MSRA: variants seen among roughly 807,000 people sequenced by gnomAD.
The protein encoded by MSRA is mitochondrial peptide methionine sulfoxide reductase.
Under a neutral mutation model 31.3 loss-of-function variants are expected in MSRA, and 54 were observed. That is an observed-to-expected ratio of 1.73 (90% CI 1.39 to 2.17). MSRA has a LOEUF of 2.17. Ranked by LOEUF, MSRA falls within the 30% of genes most tolerant of loss-of-function variation. The pLI is 0.00. For missense variants in MSRA, 507 were observed against 300.9 expected, an observed-to-expected ratio of 1.69 and a Z score of -5.07; for synonymous variants, 169 against 116.5, an observed-to-expected ratio of 1.45 and a Z score of -2.90.
intron 4 of MSRA, among the ~76,000 whole-genome samples, chr8:10,303,582 A>G (rs549690028): frequency 2.0e-5 from 3 of 152,322 alleles, no homozygotes; most frequent in African/African-American, 7.2e-5. Context: ...CCCCAGCTGA[A>G]TTCAGAGAAC....
chr8:10,367,524 C>G (rs769367938), intron 5 of MSRA, among the ~76,000 whole-genome samples: 13 of 152,176 alleles, frequency 8.5e-5, no homozygotes, highest in Non-Finnish European at 1.9e-4. Context: ...AGAACATCCT[C>G]GTGTGCTAGT....
At chr8:10,197,468 G>C (rs906602207) in intron 1 of MSRA, among the ~76,000 whole-genome samples, 4 of 152,188 alleles carry the variant, frequency 2.6e-5, no homozygotes, top group Admixed American at 1.3e-4. Context: ...TGACGTGTCT[G>C]ATCAGCAACC....
At chr8:10,425,896 C>G (rs1231736456) in intron 5 of MSRA, among the ~76,000 whole-genome samples, 2 of 152,244 alleles carry the variant, frequency 1.3e-5, no homozygotes, top group African/African-American at 4.8e-5. Context: ...CCTCAGTTCT[C>G]CGAACTTGCC....
chr8:10,125,507 T>C (rs1339792732), intron 1 of MSRA, among the ~76,000 whole-genome samples: 1 of 152,164 alleles, frequency 6.6e-6, no homozygotes, highest in Non-Finnish European at 1.5e-5. Flanking sequence ...ACCTGCTGGC[T>C]GCAACTGGAC....
At chr8:10,066,744 G>A (rs776326841) in intron 1 of MSRA, among the ~76,000 whole-genome samples, 2 of 151,526 alleles carry the variant, frequency 1.3e-5, no homozygotes, top group African/African-American at 4.9e-5. Context: ...CATGTTGGCC[G>A]GGCTGGTCTC....
intron 1 of MSRA, chr8:10,096,198 G>C: frequency 8.0e-7 from 1 of 1,252,380 alleles, no homozygotes; most frequent in East Asian, 3.1e-5. Flanking sequence ...TAAAGCAACA[G>C]CTTTTATTTC....
intron 1 of MSRA, among the ~76,000 whole-genome samples, chr8:10,130,965 A>G (rs116968984): frequency 6.6e-6 from 1 of 152,220 alleles, no homozygotes; most frequent in East Asian, 1.9e-4. Context: ...GTGTGCTTTT[A>G]TTAGCAAGCT....
At chr8:10,128,134 T>G (rs926051348) in intron 1 of MSRA, among the ~76,000 whole-genome samples, 3 of 152,034 alleles carry the variant, frequency 2.0e-5, no homozygotes, top group African/African-American at 7.3e-5. Flanking sequence ...TCCCAGCACT[T>G]TGGGAGGCCG....
intron 4 of MSRA, among the ~76,000 whole-genome samples, chr8:10,319,496 G>A (rs1801920187): frequency 6.6e-6 from 1 of 152,094 alleles, no homozygotes; most frequent in African/African-American, 2.4e-5. Flanking sequence ...GAGGGATGAT[G>A]AAACCTTCCA....
At chr8:10,140,443 T>C (rs572326117) in intron 1 of MSRA, among the ~76,000 whole-genome samples, 14 of 152,366 alleles carry the variant, frequency 9.2e-5, no homozygotes, top group African/African-American at 3.4e-4. Flanking sequence ...TTATTTTTGA[T>C]TGGTTTTCAC....
intron 5 of MSRA, chr8:10,410,959 C>T (rs1585717013): frequency 6.6e-6 from 1 of 152,124 alleles, no homozygotes; most frequent in Admixed American, 6.5e-5. Flanking sequence ...TTTGAATTCT[C>T]CTCCCCCACA....
chr8:10,180,215 C>G (rs1806419399), intron 1 of MSRA, among the ~76,000 whole-genome samples: 1 of 152,158 alleles, frequency 6.6e-6, no homozygotes, highest in Non-Finnish European at 1.5e-5. Context: ...TGGAATGGCT[C>G]ACAGATCTCA....
intron 1 of MSRA, among the ~76,000 whole-genome samples, chr8:10,187,413 C>G (rs980922024): frequency 5.3e-5 from 8 of 152,188 alleles, no homozygotes; most frequent in Non-Finnish European, 1.2e-4. Context: ...CCCAAGCTAC[C>G]TTCCACCACC....
intron 1 of MSRA, among the ~76,000 whole-genome samples, chr8:10,083,863 T>C (rs1259133346): frequency 6.6e-6 from 1 of 152,228 alleles, no homozygotes; most frequent in Non-Finnish European, 1.5e-5. Flanking sequence ...TGCTTAATTT[T>C]AATTTTAAAA....
chr8:10,293,289 G>C lies in MSRA; in HGVS notation c.332-8245G>C, dbSNP rs116651169. 6.2e-3 allele frequency among the ~76,000 whole-genome samples: 943 copies of C among 152,282 alleles called. 8 individuals are homozygous for C. Among genetic ancestry groups the C allele is most frequent in the African/African-American group, 0.018 (739 of 41,552 alleles). On this transcript the variant is annotated intron_variant, in intron 3 of 5. Transcript: ENST00000317173. ...CCATGGTGGCCAGGTGCGTGGGTAA[G>C]CTCATGAGCCACTTTGTGGCTTTGC...
At position 10,315,944 on chromosome 8, in the gene MSRA, T is replaced by G. The variant is rs1053431123; in HGVS notation, c.437-3939T>G. 2.0e-5 allele frequency among the ~76,000 whole-genome samples: 3 copies of G among 152,216 alleles called. No homozygotes were observed. The East Asian group carries it at 5.8e-4, about 29-fold the overall frequency. Reference sequence around the variant, plus strand: ...TCACACTATGATAACTTTTGACCTTTCATGAAGAAATCACCACATCTTGTC... The same window carrying G: ...TCACACTATGATAACTTTTGACCTTGCATGAAGAAATCACCACATCTTGTC... On this transcript the variant is annotated intron_variant, in intron 4 of 5. Coordinates refer to ENST00000317173, the MANE Select transcript of MSRA (RefSeq NM_012331.5).
At chr8:10,294,253 T>C (rs768139737) in intron 3 of MSRA, among the ~76,000 whole-genome samples, 2 of 152,168 alleles carry the variant, frequency 1.3e-5, no homozygotes, top group Non-Finnish European at 2.9e-5. Context: ...GGGAAACTTT[T>C]AGACATAGAT....
chr8:10,104,300 G>A (rs1487842298), intron 1 of MSRA, among the ~76,000 whole-genome samples: 1 of 152,200 alleles, frequency 6.6e-6, no homozygotes, highest in Non-Finnish European at 1.5e-5. Flanking sequence ...TCTGAGACAG[G>A]TCTCAATCAA....
intron 5 of MSRA, among the ~76,000 whole-genome samples, chr8:10,371,733 G>T (rs145043178): frequency 6.6e-6 from 1 of 152,084 alleles, no homozygotes; most frequent in African/African-American, 2.4e-5. Flanking sequence ...TGGTGTTGCA[G>T]TTCCTACCAT....
Sources: gnomAD v4.1 joint callset for allele counts (sites outside exome capture counted in the v4.1 genomes callset) on GRCh38, gnomAD v4.1.1 for gene constraint, MANE v1.5 for transcripts, NCBI Gene and HGNC (gene_info 2026-07-23, HGNC 2026-07-21) for gene names.